Variants in STK3 observed in about 807,000 individuals in gnomAD.
STK3 encodes serine/threonine kinase 3.
Under a neutral mutation model 58.0 loss-of-function variants are expected in STK3, and 41 were observed. The ratio of observed to expected loss-of-function variants is 0.71; its 90% CI spans 0.55 to 0.92. The LOEUF (loss-of-function observed/expected upper bound fraction) is 0.92. Ranked by LOEUF, STK3 falls within the 40% of genes least tolerant of loss-of-function variation. The pLI is 0.00. For missense variants in STK3, 479 were observed against 602.7 expected, an observed-to-expected ratio of 0.79 and a Z score of 2.15; for synonymous variants, 170 against 191.0, an observed-to-expected ratio of 0.89 and a Z score of 0.91.
At chr8:98,659,954 G>A (rs1168012663) in intron 6 of STK3, among the ~76,000 whole-genome samples, 3 of 151,836 alleles carry the variant, frequency 2.0e-5, no homozygotes, top group African/African-American at 4.8e-5. Flanking sequence ...TAAATAAGCT[G>A]AAGCCTAGAG....
the STK3 span, among the ~76,000 whole-genome samples, chr8:98,362,094 C>A: frequency 2.6e-5 from 4 of 152,060 alleles, no homozygotes; most frequent in African/African-American, 9.7e-5. Context: ...TTCCTTCCTC[C>A]CAGAAGGAAG....
chr8:98,633,498 C>T (rs948304469), intron 6 of STK3: 73 of 641,322 alleles, frequency 1.1e-4, no homozygotes, highest in East Asian at 3.1e-4. Context: ...ATGGCGGTGG[C>T]GTTGGCTTTG....
intron 4 of STK3, among the ~76,000 whole-genome samples, chr8:98,716,279 TA>T (rs1191028793): frequency 6.6e-6 from 1 of 151,692 alleles, no homozygotes; most frequent in Non-Finnish European, 1.5e-5. Flanking sequence ...AAACTTAAAG[TA>T]TAATAAAAAA....
At chr8:98,784,493 G>A (rs1214384121) in intron 1 of STK3, among the ~76,000 whole-genome samples, 4 of 152,190 alleles carry the variant, frequency 2.6e-5, no homozygotes, top group Non-Finnish European at 1.5e-5. Context: ...GGTGCAGCAG[G>A]GCCCTCTCTG....
chr8:98,709,409 T>C (rs1826219990), intron 4 of STK3, among the ~76,000 whole-genome samples: 1 of 152,160 alleles, frequency 6.6e-6, no homozygotes, highest in African/African-American at 2.4e-5. Flanking sequence ...ACTTCTCAAA[T>C]TTTCTAAAAC....
At chr8:98,503,517 C>T (rs753615901) in intron 10 of STK3, among the ~76,000 whole-genome samples, 2 of 152,120 alleles carry the variant, frequency 1.3e-5, no homozygotes, top group Admixed American at 6.5e-5. Flanking sequence ...TAGATCGTTC[C>T]TGCTTTCTCT....
chr8:98,934,079 G>A (rs1840106508), intron 1 of STK3, among the ~76,000 whole-genome samples: 1 of 152,160 alleles, frequency 6.6e-6, no homozygotes. Flanking sequence ...TTTTTCTGCA[G>A]CCTCTGACTA....
At chr8:98,567,153 T>C (rs1374513475) in intron 8 of STK3, among the ~76,000 whole-genome samples, 1 of 152,166 alleles carries the variant, frequency 6.6e-6, no homozygotes, top group East Asian at 1.9e-4. Context: ...TTCCATAACC[T>C]AGACAAAATT....
At chr8:98,740,330 A>G (rs544496611) in intron 4 of STK3, among the ~76,000 whole-genome samples, 30 of 152,332 alleles carry the variant, frequency 2.0e-4, no homozygotes, top group African/African-American at 7.2e-4. Flanking sequence ...AAAAATGTTA[A>G]GGGCAGCCAG....
chr8:98,653,236 G>A (rs1273500888), intron 6 of STK3, among the ~76,000 whole-genome samples: 2 of 152,056 alleles, frequency 1.3e-5, no homozygotes. Flanking sequence ...ATGACTACTG[G>A]GTACATAACG....
intron 2 of STK3, among the ~76,000 whole-genome samples, chr8:98,770,092 T>C (rs1831204240): frequency 1.3e-5 from 2 of 152,148 alleles, no homozygotes; most frequent in African/African-American, 4.8e-5. Flanking sequence ...TCTGAGTACC[T>C]TGAATCCCCA....
At chr8:98,605,046 C>T (rs1344292237) in intron 6 of STK3, among the ~76,000 whole-genome samples, 2 of 152,230 alleles carry the variant, frequency 1.3e-5, no homozygotes, top group Non-Finnish European at 2.9e-5. Flanking sequence ...GAGACCTCAT[C>T]AGCATGGATT....
rs189193533 is a variant in STK3, at chr8:98,583,211, C to T, written c.823-3422G>A. On this transcript the variant is annotated intron_variant, in intron 7 of 10. Transcript: ENST00000419617. The stretch of plus-strand genomic sequence containing the variant: ...ACAACAATAACAAAAATACCAATAC[C>T]ATTGAATACAATTAAGAAGTTTACT... 5.0e-3 allele frequency among the ~76,000 whole-genome samples: 762 copies of T among 151,844 alleles called. 6 individuals are homozygous for T. Among genetic ancestry groups the T allele is most frequent in the Non-Finnish European group, 7.8e-3 (529 of 67,952 alleles).
intron 6 of STK3, among the ~76,000 whole-genome samples, chr8:98,663,145 T>C (rs1469538651): frequency 6.6e-6 from 1 of 152,146 alleles, no homozygotes; most frequent in Non-Finnish European, 1.5e-5. Flanking sequence ...AAAGGGCTAA[T>C]ATCCAGAATC....
chr8:98,529,171 G>A (rs934512906), intron 9 of STK3, among the ~76,000 whole-genome samples: 1 of 152,146 alleles, frequency 6.6e-6, no homozygotes, highest in African/African-American at 2.4e-5. Context: ...TCAAAAGAAA[G>A]CATGTTAAGA....
chr8:98,348,868 T>C, the STK3 span, among the ~76,000 whole-genome samples: 1 of 152,206 alleles, frequency 6.6e-6, no homozygotes, highest in African/African-American at 2.4e-5. Flanking sequence ...AAACTAAACA[T>C]ACTCTTACCA....
intron 3 of STK3, among the ~76,000 whole-genome samples, chr8:98,855,594 G>C (rs929414535): frequency 5.9e-5 from 9 of 152,226 alleles, no homozygotes; most frequent in Admixed American, 2.0e-4. Context: ...CATGACCTTG[G>C]ATTCAGCCAT....
At chr8:98,839,681 A>G (rs1043050981) in intron 3 of STK3, among the ~76,000 whole-genome samples, 1 of 152,326 alleles carries the variant, frequency 6.6e-6, no homozygotes, top group South Asian at 2.1e-4. Context: ...TCCATGGAAT[A>G]CTTTTACGTG....
chr8:98,506,672 C>T (rs1421917348), intron 10 of STK3, among the ~76,000 whole-genome samples: 1 of 151,890 alleles, frequency 6.6e-6, no homozygotes, highest in East Asian at 1.9e-4. Context: ...GATTGCACCA[C>T]ACTGCACTCC....
Sources: allele counts gnomAD v4.1 joint callset (sites outside exome capture counted in the v4.1 genomes callset), GRCh38; gene constraint gnomAD v4.1.1; transcripts MANE v1.5; gene names NCBI Gene and HGNC (gene_info 2026-07-23, HGNC 2026-07-21).